MSRA: variants seen among roughly 807,000 people sequenced by gnomAD.
MSRA encodes methionine sulfoxide reductase A, also known as mitochondrial peptide methionine sulfoxide reductase.
A neutral mutation model predicts 31.3 loss-of-function variants in MSRA; 54 were observed. That is an observed-to-expected ratio of 1.73 (90% confidence interval 1.39 to 2.17). MSRA has a LOEUF of 2.17. MSRA is among the 30% of genes most tolerant of loss of function. The pLI is 0.00. For missense variants in MSRA, 507 were observed against 300.9 expected (o/e 1.69, Z -5.07); for synonymous variants, 169 against 116.5 (o/e 1.45, Z -2.90).
chr8:10,144,054 G>T (rs1029999308), intron 1 of MSRA, among the ~76,000 whole-genome samples: 4 of 152,080 alleles, frequency 2.6e-5, no homozygotes, highest in African/African-American at 9.7e-5. Flanking sequence ...GAAGTCTGGT[G>T]GTAACAGTAC....
Position 10,077,604 on chromosome 8 carries a change from T to C in MSRA, c.142+22946T>C, listed in dbSNP as rs1281974643. ...TCTCTGAGTGTTGGAATTACAGCCA[T>C]GAGTCCCCAGGACTGGACCCCTTTT... is the stretch of plus-strand genomic sequence containing the variant. On this transcript the variant is annotated intron_variant, in intron 1 of 5. Coordinates refer to ENST00000317173, the MANE Select transcript of MSRA (RefSeq NM_012331.5). 2.0e-5 allele frequency among the ~76,000 whole-genome samples: 3 copies of C among 151,378 alleles called. No homozygotes were observed. In the East Asian group the frequency reaches 5.8e-4, roughly 29 times the overall value.
At chr8:10,424,042 C>T (rs1428032506) in intron 5 of MSRA, among the ~76,000 whole-genome samples, 1 of 152,216 alleles carries the variant, frequency 6.6e-6, no homozygotes, top group African/African-American at 2.4e-5. Flanking sequence ...GCGTCATCAG[C>T]GCTGTCGGGC....
At chr8:10,348,091 AT>A (rs1157889931) in intron 5 of MSRA, among the ~76,000 whole-genome samples, 2 of 152,204 alleles carry the variant, frequency 1.3e-5, no homozygotes, top group Non-Finnish European at 1.5e-5. Flanking sequence ...AGGTGGGTTC[AT>A]CCTTAGATGG....
chr8:10,274,474 C>G (rs1327556832), intron 3 of MSRA, among the ~76,000 whole-genome samples: 1 of 152,076 alleles, frequency 6.6e-6, no homozygotes, highest in Non-Finnish European at 1.5e-5. Context: ...TAGGGTGATC[C>G]TCAGTCATTT....
chr8:10,285,179 AAC>A (rs1799868642), intron 3 of MSRA, among the ~76,000 whole-genome samples: 1 of 152,084 alleles, frequency 6.6e-6, no homozygotes, highest in Non-Finnish European at 1.5e-5. Context: ...GTAAAACCAA[AAC>A]TCTGTGACCA....
intron 1 of MSRA, among the ~76,000 whole-genome samples, chr8:10,071,674 A>G (rs1324200088): frequency 2.0e-5 from 3 of 151,756 alleles, no homozygotes; most frequent in Non-Finnish European, 4.4e-5. Context: ...ATCCATTTTG[A>G]GATAATTTTT....
chr8:10,312,847 T>C (rs1406064709), intron 4 of MSRA, among the ~76,000 whole-genome samples: 1 of 152,242 alleles, frequency 6.6e-6, no homozygotes, highest in Non-Finnish European at 1.5e-5. Context: ...AATTCAGTAT[T>C]CATAAATGAT....
At chr8:10,256,239 G>C (rs1253490985) in intron 3 of MSRA, among the ~76,000 whole-genome samples, 1 of 152,024 alleles carries the variant, frequency 6.6e-6, no homozygotes, top group Non-Finnish European at 1.5e-5. Flanking sequence ...TGTCCTTTTC[G>C]GATTGGCTTC....
chr8:10,184,482 C>T (rs147666168), intron 1 of MSRA, among the ~76,000 whole-genome samples: 19 of 151,954 alleles, frequency 1.3e-4, no homozygotes, highest in Non-Finnish European at 2.5e-4. Flanking sequence ...GCAGAAAATC[C>T]TTCTCTTTCC....
chr8:10,424,608 G>T (rs1809019799), intron 5 of MSRA, among the ~76,000 whole-genome samples: 2 of 150,524 alleles, frequency 1.3e-5, no homozygotes, highest in South Asian at 4.3e-4. Context: ...GGGAGAAGGG[G>T]CCAGGGTGGA....
intron 3 of MSRA, among the ~76,000 whole-genome samples, chr8:10,245,597 C>A (rs1797582672): frequency 6.6e-6 from 1 of 152,212 alleles, no homozygotes; most frequent in Admixed American, 6.5e-5. Context: ...TGCCTGGGGG[C>A]TAGTCAGCCT....
intron 1 of MSRA, among the ~76,000 whole-genome samples, chr8:10,101,160 T>C (rs1244336770): frequency 1.3e-5 from 2 of 152,156 alleles, no homozygotes; most frequent in African/African-American, 2.4e-5. Context: ...TTTGACTCAA[T>C]TTTTTGGTTG....
chr8:10,297,598 A>G (rs1585398550), intron 3 of MSRA, among the ~76,000 whole-genome samples: 1 of 152,130 alleles, frequency 6.6e-6, no homozygotes, highest in Non-Finnish European at 1.5e-5. Context: ...GAGTCCCTTA[A>G]TCCTTTTGAT....
intron 1 of MSRA, among the ~76,000 whole-genome samples, chr8:10,079,449 C>A (rs1408685014): frequency 6.6e-6 from 1 of 152,104 alleles, no homozygotes; most frequent in Admixed American, 6.5e-5. Context: ...GCCACCACAC[C>A]CGACCATGTT....
chr8:10,284,954 G>A (rs1050387432), intron 3 of MSRA, among the ~76,000 whole-genome samples: 1 of 150,878 alleles, frequency 6.6e-6, no homozygotes, highest in Non-Finnish European at 1.5e-5. Context: ...AGAATTTAAA[G>A]ACATTCGTGT....
chr8:10,258,138 G>A (rs535512434), intron 3 of MSRA, among the ~76,000 whole-genome samples: 2 of 152,164 alleles, frequency 1.3e-5, no homozygotes, highest in South Asian at 2.1e-4. Flanking sequence ...ACAAATCCAG[G>A]CATAGGCAGA....
chr8:10,170,755 C>G (rs1345646538), intron 1 of MSRA, among the ~76,000 whole-genome samples: 1 of 152,122 alleles, frequency 6.6e-6, no homozygotes, highest in Non-Finnish European at 1.5e-5. Context: ...GGTTTTGGAA[C>G]CAACCCCTTG....
At chr8:10,120,596 A>G (rs1801037019) in intron 1 of MSRA, among the ~76,000 whole-genome samples, 1 of 152,238 alleles carries the variant, frequency 6.6e-6, no homozygotes, top group Non-Finnish European at 1.5e-5. Flanking sequence ...GCTGAACATC[A>G]AGAATTTCTT....
chr8:10,069,036 A>T (rs533915749), intron 1 of MSRA, among the ~76,000 whole-genome samples: 2 of 152,208 alleles, frequency 1.3e-5, no homozygotes, highest in South Asian at 4.1e-4. Flanking sequence ...TTTGATGTTG[A>T]TGTAAATGGT....
Sources: allele counts gnomAD v4.1 joint callset (sites outside exome capture counted in the v4.1 genomes callset), GRCh38; gene constraint gnomAD v4.1.1; transcripts MANE v1.5; gene names NCBI Gene and HGNC (gene_info 2026-07-23, HGNC 2026-07-21).